TNIP3: variants seen among roughly 807,000 people sequenced by gnomAD.
The protein encoded by TNIP3 is TNFAIP3 interacting protein 3.
In TNIP3, 34 loss-of-function variants were observed where a neutral mutation model predicts 54.1. That is an observed-to-expected ratio of 0.63 (90% CI 0.48 to 0.84). TNIP3 has a LOEUF of 0.84. TNIP3 is among the 40% of genes least tolerant of loss of function. The pLI is 0.00. For missense variants in TNIP3, 366 were observed against 387.6 expected (o/e 0.94, Z 0.47); for synonymous variants, 134 against 136.8 (o/e 0.98, Z 0.14).
At position 121,158,770 on chromosome 4, in the gene TNIP3, T is replaced by C. The variant is rs531293102; in HGVS notation, c.148-18A>G. 6.3e-7 allele frequency: 1 copy of C among 1,599,278 alleles called. No individual in the cohort carries two copies. The highest frequency in any genetic ancestry group is 1.4e-5 in the African/African-American group (1 of 73,948). On this transcript the variant is annotated intron_variant, in intron 2 of 10. Coordinates refer to ENST00000057513, the MANE Select transcript of TNIP3 (RefSeq NM_024873.6). ...TCCAGGAGCTGAAATCATTAAAATT[T>C]GGTGAATCAACAAAGAATTTCTGCC...
chr4:121,176,514 TATGATG>T (rs70948383), intron 3 of TNIP3, among the ~76,000 whole-genome samples: 7,131 of 146,972 alleles, frequency 0.049, 377 homozygotes, highest in African/African-American at 0.13. Context: ...CTACTAGCAT[TATGATG>T]ATGATGATGA....
upstream of TNIP3, among the ~76,000 whole-genome samples, chr4:121,219,946 A>G (rs10004623): frequency 0.87 from 132,933 of 152,148 alleles, 58,360 homozygotes; most frequent in South Asian, 0.94. Context: ...CTAAATTAAC[A>G]TTAAATGTTA....
chr4:121,150,278 T>C lies in TNIP3; in HGVS notation c.493-59A>G, dbSNP rs1260988931. Reference sequence around the variant, plus strand: ...GATTTACCACATGGAATGAATTCTTTTATAATTGTTACAATCATCTCAAAT... The same window carrying C: ...GATTTACCACATGGAATGAATTCTTCTATAATTGTTACAATCATCTCAAAT... On this transcript the variant is annotated intron_variant, in intron 5 of 10. Transcript: ENST00000057513. The C allele has an allele frequency of 4.7e-6, 5 of 1,060,014 alleles. No individual in the cohort carries two copies. In the East Asian group the frequency reaches 1.3e-4, roughly 27 times the overall value. The allele number at this position is 1,060,014 out of a possible 1,614,324, so 65.7% of individuals were successfully genotyped here.
At chr4:121,181,558 G>T (rs1044316715) in intron 3 of TNIP3, among the ~76,000 whole-genome samples, 1 of 152,090 alleles carries the variant, frequency 6.6e-6, no homozygotes, top group African/African-American at 2.4e-5. Context: ...TTCATGACAT[G>T]AATGAAAGAA....
intron 2 of TNIP3, among the ~76,000 whole-genome samples, chr4:121,200,869 A>G (rs990277180): frequency 6.6e-6 from 1 of 152,222 alleles, no homozygotes; most frequent in Non-Finnish European, 1.5e-5. Context: ...ACAAAACTGT[A>G]CTGGAAAATC....
At chr4:121,157,531 G>A (rs1019314487) in intron 3 of TNIP3, among the ~76,000 whole-genome samples, 7 of 152,138 alleles carry the variant, frequency 4.6e-5, no homozygotes, top group Non-Finnish European at 8.8e-5. Context: ...CCCCACCCAG[G>A]GGAATCTGTA....
rs1726063552 is a variant in TNIP3 at position 121,204,331 on chromosome 4, C to A, written c.68+12084G>T. ...GTCAAAAGAGTGCAACCATTTGCCT[C>A]TTATCTACCTATGGTCTGGAAGCTC... On this transcript the variant is annotated intron_variant, in intron 2 of 12. Coordinates refer to the TNIP3 transcript ENST00000507879. Among the ~76,000 whole-genome samples, 3 of 152,124 alleles carry A rather than the reference C, an allele frequency of 2.0e-5. No individual in the cohort carries two copies. The South Asian group carries it at 6.2e-4, about 31-fold the overall frequency.
chr4:121,144,304 T>C (rs142572822), intron 7 of TNIP3, among the ~76,000 whole-genome samples: 2 of 152,322 alleles, frequency 1.3e-5, no homozygotes, highest in East Asian at 3.9e-4. Flanking sequence ...AATGAAACTA[T>C]TAAACATGCC....
At chr4:121,160,053 A>G (rs1730353485) in intron 2 of TNIP3, among the ~76,000 whole-genome samples, 1 of 152,202 alleles carries the variant, frequency 6.6e-6, no homozygotes, top group Non-Finnish European at 1.5e-5. Flanking sequence ...TCCCATGTGT[A>G]TACTATAGTA....
At chr4:121,166,250 G>C (rs1035174000), upstream of TNIP3, among the ~76,000 whole-genome samples, 6 of 152,114 alleles carry the variant, frequency 3.9e-5, no homozygotes, top group Non-Finnish European at 7.4e-5. Flanking sequence ...ACAACAAACA[G>C]ATTTTCTATT....
chr4:121,160,207 G>A lies in TNIP3; in HGVS notation c.147+929C>T, dbSNP rs181006594. Among the ~76,000 whole-genome samples, 880 of 152,270 alleles carry A rather than the reference G, an allele frequency of 5.8e-3. 3 individuals are homozygous for A. Among genetic ancestry groups the A allele is most frequent in the Non-Finnish European group, 9.4e-3 (641 of 68,018 alleles). The stretch of plus-strand genomic sequence containing the variant: ...AGAAAAGGAATTACAGGCTGGGCAC[G>A]GTGGCTAACTCCTGTAATTCCAGCA... On this transcript the variant is annotated intron_variant, in intron 2 of 10. Transcript: ENST00000057513.
intron 5 of TNIP3, among the ~76,000 whole-genome samples, chr4:121,150,730 A>C (rs867518496): frequency 6.6e-6 from 1 of 152,190 alleles, no homozygotes; most frequent in Non-Finnish European, 1.5e-5. Flanking sequence ...ACATTCTACT[A>C]TATAACTATG....
At chr4:121,219,036 C>T (rs1726924179), upstream of TNIP3, among the ~76,000 whole-genome samples, 1 of 152,058 alleles carries the variant, frequency 6.6e-6, no homozygotes. Flanking sequence ...GGTGTCTCTA[C>T]TAAAAATACA....
intron 2 of TNIP3, among the ~76,000 whole-genome samples, chr4:121,205,372 GA>G (rs1292991871): frequency 6.6e-6 from 1 of 152,168 alleles, no homozygotes; most frequent in Non-Finnish European, 1.5e-5. Context: ...GGGGGAGTAA[GA>G]AGGGGGATTG....
At chr4:121,209,536 G>T (rs971770811) in intron 2 of TNIP3, among the ~76,000 whole-genome samples, 1 of 152,140 alleles carries the variant, frequency 6.6e-6, no homozygotes, top group African/African-American at 2.4e-5. Flanking sequence ...GGGTATAATG[G>T]ATGCTTAAAT....
intron 10 of TNIP3, chr4:121,136,783 A>G (rs1260490253): frequency 6.9e-6 from 1 of 144,650 alleles, no homozygotes; most frequent in African/African-American, 2.5e-5. Flanking sequence ...TGAGCCCAGG[A>G]GTTTAAGGGT....
chr4:121,211,182 G>T (rs1200481621), intron 2 of TNIP3, among the ~76,000 whole-genome samples: 2 of 152,108 alleles, frequency 1.3e-5, no homozygotes, highest in Non-Finnish European at 2.9e-5. Flanking sequence ...TGGAAAGAGG[G>T]GTGATGTGTG....
intron 4 of TNIP3, among the ~76,000 whole-genome samples, chr4:121,156,761 A>G (rs1730112672): frequency 6.6e-6 from 1 of 152,184 alleles, no homozygotes; most frequent in South Asian, 2.1e-4. Context: ...TAAAAGCAAA[A>G]GAAAAAAAAA....
At chr4:121,140,333 CA>C (rs1227401189) in intron 9 of TNIP3, among the ~76,000 whole-genome samples, 3 of 148,578 alleles carry the variant, frequency 2.0e-5, no homozygotes, top group Admixed American at 6.7e-5. Flanking sequence ...GATGCCTTCT[CA>C]AAAAAAAAGA....
Sources: gnomAD v4.1 joint callset for allele counts (sites outside exome capture counted in the v4.1 genomes callset) on GRCh38, gnomAD v4.1.1 for gene constraint, MANE v1.5 for transcripts, NCBI Gene and HGNC (gene_info 2026-07-23, HGNC 2026-07-21) for gene names.